Variants in KIAA1217 observed in about 807,000 individuals in gnomAD.
KIAA1217 encodes KIAA1217, also known as sickle tail protein homolog.
KIAA1217 carries 88 observed loss-of-function variants against 163.9 expected under a neutral mutation model. That is an observed-to-expected ratio of 0.54 (90% CI 0.45 to 0.64). KIAA1217 has a LOEUF of 0.64. Ranked by LOEUF, KIAA1217 falls within the 30% of genes least tolerant of loss-of-function variation. KIAA1217 has a pLI of 0.00. For synonymous variants in KIAA1217, 903 were observed against 923.1 expected (o/e 0.98, Z 0.39); for missense variants, 2,372 against 2,475.0 (o/e 0.96, Z 0.88).
At chr10:23,785,446 C>T (rs1007812151) in intron 1 of KIAA1217, among the ~76,000 whole-genome samples, 4 of 152,146 alleles carry the variant, frequency 2.6e-5, no homozygotes, top group African/African-American at 9.7e-5. Context: ...ATGCTTGAGT[C>T]CCCCATTAGA....
intron 1 of KIAA1217, among the ~76,000 whole-genome samples, chr10:23,978,526 G>A (rs553198562): frequency 2.0e-5 from 3 of 152,200 alleles, no homozygotes; most frequent in African/African-American, 7.2e-5. Flanking sequence ...CCAGGCTTTC[G>A]TATGACCCTG....
chr10:24,180,130 G>C (rs542441397), intron 2 of KIAA1217, among the ~76,000 whole-genome samples: 6 of 152,116 alleles, frequency 3.9e-5, no homozygotes, highest in African/African-American at 1.4e-4. Flanking sequence ...TGTATCTGCT[G>C]TTTCTCTATT....
At chr10:24,518,640 A>C (rs2070592197) in intron 10 of KIAA1217, among the ~76,000 whole-genome samples, 1 of 152,158 alleles carries the variant, frequency 6.6e-6, no homozygotes, top group African/African-American at 2.4e-5. Context: ...CAATACAGGG[A>C]AGTCATTCTG....
intron 2 of KIAA1217, among the ~76,000 whole-genome samples, chr10:24,053,208 T>G (rs183220165): frequency 5.3e-4 from 81 of 152,298 alleles, no homozygotes; most frequent in African/African-American, 1.9e-3. Context: ...TATAAGTAAG[T>G]AAATAATCCC....
intron 2 of KIAA1217, among the ~76,000 whole-genome samples, chr10:24,179,343 A>G (rs1178052021): frequency 6.6e-6 from 1 of 152,042 alleles, no homozygotes; most frequent in African/African-American, 2.4e-5. Context: ...ATTTAGCACC[A>G]TCCCCCCAGT....
At chr10:23,756,109 A>G (rs1286767439) in intron 1 of KIAA1217, among the ~76,000 whole-genome samples, 1 of 149,148 alleles carries the variant, frequency 6.7e-6, no homozygotes, top group Non-Finnish European at 1.5e-5. Flanking sequence ...GACATGCACC[A>G]CCACACCCGG....
At chr10:24,345,408 A>T (rs1025165785) in intron 2 of KIAA1217, among the ~76,000 whole-genome samples, 2 of 152,212 alleles carry the variant, frequency 1.3e-5, no homozygotes, top group Non-Finnish European at 2.9e-5. Context: ...CTGTGAGCCT[A>T]TCCAAAGGGT....
intron 1 of KIAA1217, among the ~76,000 whole-genome samples, chr10:24,215,351 G>T (rs1200964746): frequency 1.3e-5 from 2 of 152,312 alleles, no homozygotes; most frequent in East Asian, 3.9e-4. Flanking sequence ...TTGCCTTCAT[G>T]CTACAGCTTC....
At chr10:24,241,095 C>T (rs1444471525) in intron 2 of KIAA1217, among the ~76,000 whole-genome samples, 2 of 152,124 alleles carry the variant, frequency 1.3e-5, no homozygotes, top group Admixed American at 6.6e-5. Context: ...GATCTACCCA[C>T]CTTGGCCTCC....
intron 1 of KIAA1217, among the ~76,000 whole-genome samples, chr10:23,798,546 A>G (rs1836316608): frequency 6.6e-6 from 1 of 152,150 alleles, no homozygotes; most frequent in South Asian, 2.1e-4. Flanking sequence ...CCTCTTGAGT[A>G]TAGTAGTTTT....
In KIAA1217 at chr10:23,699,258, G is replaced by A. The variant is rs544964216; in HGVS notation, c.-321+4024G>A. 4.8e-4 allele frequency among the ~76,000 whole-genome samples: 73 copies of A among 152,338 alleles called. No homozygotes were observed. The South Asian group carries it at 0.015, about 31-fold the overall frequency. Reference sequence around the variant, plus strand: ...AGAGCTGTGAAGTCAGTGAAGCTTGGACTGGGTGTTCCCCACATCTTCTTT... The same window carrying A: ...AGAGCTGTGAAGTCAGTGAAGCTTGAACTGGGTGTTCCCCACATCTTCTTT... On this transcript the variant is annotated intron_variant, in intron 1 of 18. Coordinates refer to the KIAA1217 transcript ENST00000376462.
At chr10:24,420,999 T>G (rs995837923) in intron 3 of KIAA1217, among the ~76,000 whole-genome samples, 2 of 152,004 alleles carry the variant, frequency 1.3e-5, no homozygotes, top group African/African-American at 2.4e-5. Context: ...TTTTGTTTGT[T>G]TGTTTGTTTG....
intron 1 of KIAA1217, among the ~76,000 whole-genome samples, chr10:23,954,880 G>C (rs371055628): frequency 6.6e-6 from 1 of 152,010 alleles, no homozygotes; most frequent in African/African-American, 2.4e-5. Flanking sequence ...TAAGGGAGAG[G>C]AAAAATAATA....
At chr10:24,540,804 C>T (rs1335575791) in intron 17 of KIAA1217, among the ~76,000 whole-genome samples, 2 of 152,194 alleles carry the variant, frequency 1.3e-5, no homozygotes, top group East Asian at 1.9e-4. Context: ...CTTGCTCTGT[C>T]GCCCGGGAGG....
rs1228347921 is a variant in KIAA1217, at chr10:23,838,380, T to A, written c.-321+143146T>A. 2.6e-5 allele frequency among the ~76,000 whole-genome samples: 4 copies of A among 152,300 alleles called. No homozygotes were observed. In the East Asian group the frequency reaches 7.7e-4, roughly 29 times the overall value. ...AAGTAGAGAAAAATGAGTTTAAAAT[T>A]TTAAATCAACATAAAAGATGAAAAA... On this transcript the variant is annotated intron_variant, in intron 1 of 18. Transcript: ENST00000376462.
intron 1 of KIAA1217, among the ~76,000 whole-genome samples, chr10:23,784,586 T>C (rs1487425381): frequency 6.6e-6 from 1 of 152,170 alleles, no homozygotes; most frequent in Non-Finnish European, 1.5e-5. Flanking sequence ...TATAGTAGAA[T>C]GCTTTGATTT....
chr10:23,823,193 G>T (rs561644343), intron 1 of KIAA1217, among the ~76,000 whole-genome samples: 5 of 152,304 alleles, frequency 3.3e-5, no homozygotes, highest in East Asian at 3.9e-4. Flanking sequence ...TGGAGGCTTT[G>T]GGGGAGATCC....
At chr10:24,418,414 A>C (rs16916256) in intron 3 of KIAA1217, among the ~76,000 whole-genome samples, 11,108 of 152,248 alleles carry the variant, frequency 0.073, 420 homozygotes, top group Admixed American at 0.081. Context: ...CCTTTTCAAA[A>C]AGAATAATTT....
intron 2 of KIAA1217, among the ~76,000 whole-genome samples, chr10:24,101,452 C>T (rs1436123052): frequency 1.3e-5 from 2 of 152,120 alleles, no homozygotes; most frequent in East Asian, 3.8e-4. Flanking sequence ...CAAGGACATC[C>T]ATTCCTGTGA....
Sources: allele counts gnomAD v4.1 joint callset (sites outside exome capture counted in the v4.1 genomes callset), GRCh38; gene constraint gnomAD v4.1.1; transcripts MANE v1.5; gene names NCBI Gene and HGNC (gene_info 2026-07-23, HGNC 2026-07-21).